SGK3: variants seen among roughly 807,000 people sequenced by gnomAD.
The protein encoded by SGK3 is serine/threonine-protein kinase Sgk3.
In SGK3, 47 loss-of-function variants were observed where a neutral mutation model predicts 68.5. The observed-to-expected ratio is 0.69, with a 90% CI of 0.54 to 0.87. The LOEUF (loss-of-function observed/expected upper bound fraction) is 0.87. Among genes scored for constraint, SGK3 ranks in the 40% least tolerant of loss-of-function variants. The pLI is 0.00. For missense variants in SGK3, 479 were observed against 575.5 expected (o/e 0.83, Z 1.72); for synonymous variants, 181 against 189.1 (o/e 0.96, Z 0.35).
chr8:66,723,369 G>A (rs907376998), intron 1 of SGK3, among the ~76,000 whole-genome samples: 4 of 150,900 alleles, frequency 2.7e-5, no homozygotes, highest in Non-Finnish European at 5.9e-5. Context: ...GCTTGAACCC[G>A]GGAGGCAGAG....
At chr8:66,726,067 A>G (rs1804976678) in intron 1 of SGK3, among the ~76,000 whole-genome samples, 1 of 152,112 alleles carries the variant, frequency 6.6e-6, no homozygotes, top group Admixed American at 6.6e-5. Context: ...CGCCCTTTTC[A>G]AGTTGTACAC....
intron 1 of SGK3, among the ~76,000 whole-genome samples, chr8:66,729,518 A>G (rs937727464): frequency 6.6e-6 from 1 of 152,098 alleles, no homozygotes; most frequent in Non-Finnish European, 1.5e-5. Flanking sequence ...TTGCTTATTC[A>G]TTCATCTATT....
Position 66,712,790 on chromosome 8 carries a change from T to C in SGK3, c.-165T>C, listed in dbSNP as rs1804523260. On this transcript the variant is annotated 5_prime_UTR_variant, in exon 1 of 17. Coordinates refer to ENST00000521198, the MANE Select transcript of SGK3 (RefSeq NM_001033578.3). ...CCGGGAAGGAGGAAGCGCAGTGCGT[T>C]CGGCTCCGCGCCCGCCGCGCCGGGA... 6.6e-6 allele frequency: 1 copy of C among 151,222 alleles called. No homozygotes were observed. The highest frequency in any genetic ancestry group is 2.4e-5 in the African/African-American group (1 of 41,294). 9.4% of individuals were successfully genotyped at this position (151,222 alleles called of 1,614,324 possible). A position where few individuals can be genotyped will look rare whatever the true frequency, so the allele number is the denominator to read the frequency against.
intron 1 of SGK3, among the ~76,000 whole-genome samples, chr8:66,748,817 T>C (rs888228810): frequency 1.3e-5 from 2 of 152,198 alleles, no homozygotes; most frequent in Admixed American, 6.5e-5. Flanking sequence ...AAACTTGTCA[T>C]GTCAGAGTTG....
intron 1 of SGK3, among the ~76,000 whole-genome samples, chr8:66,733,401 CT>C (rs996353148): frequency 1.3e-5 from 2 of 152,168 alleles, no homozygotes; most frequent in African/African-American, 4.8e-5. Context: ...GCAGTCACCC[CT>C]GTTAGCAACA....
intron 8 of SGK3, among the ~76,000 whole-genome samples, chr8:66,831,774 T>G (rs1809309993): frequency 6.6e-6 from 1 of 152,184 alleles, no homozygotes; most frequent in South Asian, 2.1e-4. Flanking sequence ...CTAACAATAA[T>G]TAGGGAGAAA....
intron 6 of SGK3, 71 bp downstream of exon 6, chr8:66,822,530 A>T (rs1311186403): frequency 1.4e-6 from 2 of 1,444,440 alleles, no homozygotes; most frequent in African/African-American, 2.9e-5. Context: ...GCTTTAGGAC[A>T]CTTACTTCAA....
At chr8:66,723,125 A>AT (rs1804865581) in intron 1 of SGK3, among the ~76,000 whole-genome samples, 10 of 52,220 alleles carry the variant, frequency 1.9e-4, no homozygotes, top group South Asian at 6.3e-4. Flanking sequence ...ATATATATAT[A>AT]TATATATTTT....
At chr8:66,796,590 A>C (rs1807705717) in intron 2 of SGK3, among the ~76,000 whole-genome samples, 1 of 151,614 alleles carries the variant, frequency 6.6e-6, no homozygotes, top group Admixed American at 6.6e-5. Context: ...GAGCCACCAC[A>C]CCCAGCCTTG....
intron 12 of SGK3, 140 bp from the exon 13 acceptor site, chr8:66,840,884 G>A: frequency 4.6e-6 from 2 of 433,188 alleles, no homozygotes; most frequent in Non-Finnish European, 7.7e-6. Flanking sequence ...AGAGGTTGCA[G>A]TGAGCCGAGA....
At chr8:66,754,625 C>T (rs1805919121) in intron 1 of SGK3, among the ~76,000 whole-genome samples, 1 of 152,236 alleles carries the variant, frequency 6.6e-6, no homozygotes, top group Admixed American at 6.5e-5. Flanking sequence ...ACCTTATGCA[C>T]ACAGTCTGAA....
At chr8:66,813,791 CTG>C (rs2130643529) in intron 4 of SGK3, 60 bp from the exon 5 acceptor site, 1 of 1,389,310 alleles carries the variant, frequency 7.2e-7, no homozygotes, top group East Asian at 2.6e-5. Context: ...TATTATATAA[CTG>C]TTGATGATAA....
At chr8:66,809,676 T>A (rs1808302744) in intron 4 of SGK3, among the ~76,000 whole-genome samples, 1 of 152,232 alleles carries the variant, frequency 6.6e-6, no homozygotes, top group Non-Finnish European at 1.5e-5. Flanking sequence ...ACCAAAGAGA[T>A]AATGTTGGAA....
At position 66,755,618 on chromosome 8, in the gene SGK3, C is replaced by G. The variant is rs550039124; in HGVS notation, c.-121-37998C>G. ...TCTTGTTTTCATCTCTGAAACTCCC[C>G]CATTTTGTAACACCATACAGCACTC... On this transcript the variant is annotated intron_variant, in intron 1 of 16. Coordinates refer to ENST00000521198, the MANE Select transcript of SGK3 (RefSeq NM_001033578.3). Among the ~76,000 whole-genome samples, 12 of 152,182 alleles carry G rather than the reference C, an allele frequency of 7.9e-5. No homozygotes were observed. In the South Asian group the frequency reaches 2.5e-3, roughly 32 times the overall value.
intron 12 of SGK3, chr8:66,840,533 G>A: frequency 3.3e-6 from 1 of 302,998 alleles, no homozygotes; most frequent in Non-Finnish European, 6.1e-6. Context: ...AAGCATGCAT[G>A]TAAAAAGTGA....
At chr8:66,767,659 T>G in intron 1 of SGK3, 1 of 1,391,680 alleles carries the variant, frequency 7.2e-7, no homozygotes, top group Non-Finnish European at 1.0e-6. Flanking sequence ...GGGAAATAAT[T>G]TTTCTATTTC....
chr8:66,853,479 T>C (rs568033244), intron 16 of SGK3, among the ~76,000 whole-genome samples: 61 of 152,200 alleles, frequency 4.0e-4, no homozygotes, highest in Non-Finnish European at 7.5e-4. Flanking sequence ...TTTTATATTT[T>C]AATAGGGTAG....
At chr8:66,796,216 A>G (rs936262536) in intron 2 of SGK3, among the ~76,000 whole-genome samples, 2 of 151,444 alleles carry the variant, frequency 1.3e-5, no homozygotes, top group Non-Finnish European at 1.5e-5. Flanking sequence ...GGCTCACTGC[A>G]ACCTCCACCT....
rs750365774 is a variant in SGK3 at position 66,840,022 on chromosome 8, G to A, written c.761G>A (p.Arg254Lys). 1 of 1,611,576 alleles carries A rather than the reference G, an allele frequency of 6.2e-7. No homozygotes were observed. The highest frequency in any genetic ancestry group is 1.1e-5 in the South Asian group (1 of 90,704). ...NGGELFFHLQ[R>K]ERSFPEHRAR... ...TGACAGCTTTTTTTCCACTTACAAA[G>A]AGAACGGTCCTTTCCTGAGCACAGA... The change falls in exon 11 of 17, where the codon AGA becomes AAA. Residue 254 changes from arginine (R) to lysine (K), a missense_variant. Physicochemically the swap from Arg to Lys is conservative, Grantham distance 26 (BLOSUM62 2). Transcript: ENST00000521198.
Sources: allele counts gnomAD v4.1 joint callset (sites outside exome capture counted in the v4.1 genomes callset), GRCh38; gene constraint gnomAD v4.1.1; transcripts MANE v1.5; gene names NCBI Gene and HGNC (gene_info 2026-07-23, HGNC 2026-07-21).